The following SULF1 variants were observed in gnomAD, a reference collection of about 807,000 sequenced individuals.
SULF1 encodes sulfatase 1.
In SULF1, 46 loss-of-function variants were observed where a neutral mutation model predicts 110.5. The ratio of observed to expected loss-of-function variants is 0.42; its 90% CI spans 0.33 to 0.53. SULF1 has a LOEUF of 0.53. SULF1 is among the 20% of genes least tolerant of loss of function. SULF1 has a pLI of 0.12. For synonymous variants in SULF1, 371 were observed against 387.1 expected, an observed-to-expected ratio of 0.96 and a Z score of 0.49; for missense variants, 941 against 1,094.2, an observed-to-expected ratio of 0.86 and a Z score of 1.98.
chr8:69,555,294 A>G (rs1815037876), intron 3 of SULF1, among the ~76,000 whole-genome samples: 1 of 152,106 alleles, frequency 6.6e-6, no homozygotes, highest in Non-Finnish European at 1.5e-5. Flanking sequence ...TTGTTTCCCC[A>G]CTCTGCTGTG....
intron 3 of SULF1, among the ~76,000 whole-genome samples, chr8:69,547,520 A>G (rs1814355069): frequency 6.6e-6 from 1 of 152,318 alleles, no homozygotes; most frequent in East Asian, 1.9e-4. Context: ...ACTTTCATCT[A>G]CCTTGACTGG....
intron 3 of SULF1, among the ~76,000 whole-genome samples, chr8:69,556,025 A>G (rs764757025): frequency 6.6e-6 from 1 of 152,210 alleles, no homozygotes; most frequent in Non-Finnish European, 1.5e-5. Context: ...TTAGTGTCTA[A>G]GAATGATTGA....
At chr8:69,568,946 C>A (rs1274180036) in intron 5 of SULF1, among the ~76,000 whole-genome samples, 1 of 151,916 alleles carries the variant, frequency 6.6e-6, no homozygotes, top group Admixed American at 6.6e-5. Context: ...TCTGTTACAC[C>A]CTACACTTGA....
chr8:69,480,917 T>C (rs1371231471), intron 1 of SULF1, among the ~76,000 whole-genome samples: 1 of 149,940 alleles, frequency 6.7e-6, no homozygotes, highest in Non-Finnish European at 1.5e-5. Flanking sequence ...GGGATAGCAT[T>C]AGGAGATATA....
chr8:69,568,028 C>T (rs1413491860), intron 5 of SULF1, among the ~76,000 whole-genome samples: 4 of 152,124 alleles, frequency 2.6e-5, no homozygotes, highest in African/African-American at 7.2e-5. Flanking sequence ...TTAATAGTAG[C>T]CATCCTAATG....
intron 1 of SULF1, among the ~76,000 whole-genome samples, chr8:69,472,064 T>C (rs1459506668): frequency 6.6e-6 from 1 of 151,972 alleles, no homozygotes; most frequent in Non-Finnish European, 1.5e-5. Flanking sequence ...GCAACTGAGC[T>C]AATGGCTCTG....
Position 69,474,132 on chromosome 8 carries a change from T to C in SULF1, c.-391+7182T>C, listed in dbSNP as rs114345554. On this transcript the variant is annotated intron_variant, in intron 1 of 22. Coordinates refer to the SULF1 transcript ENST00000260128. Reference sequence around the variant, plus strand: ...TCTGTTTATTGTCCAGTTTTTTTGGTATGATGTTACAGGCATAATCTGCTA... The same window carrying C: ...TCTGTTTATTGTCCAGTTTTTTTGGCATGATGTTACAGGCATAATCTGCTA... 4.8e-3 allele frequency among the ~76,000 whole-genome samples: 735 copies of C among 152,306 alleles called. 6 individuals carry two copies. Among genetic ancestry groups the C allele is most frequent in the African/African-American group, 0.016 (674 of 41,580 alleles).
chr8:69,526,907 T>C (rs1391092417), intron 3 of SULF1, among the ~76,000 whole-genome samples: 1 of 152,036 alleles, frequency 6.6e-6, no homozygotes, highest in Non-Finnish European at 1.5e-5. Flanking sequence ...AAGAGGCTAC[T>C]TGAGTTTCAC....
intron 8 of SULF1, among the ~76,000 whole-genome samples, chr8:69,591,760 C>A (rs1806926187): frequency 6.6e-6 from 1 of 152,096 alleles, no homozygotes; most frequent in African/African-American, 2.4e-5. Flanking sequence ...ACACTGGTAC[C>A]CACAGTCCAA....
At chr8:69,499,318 A>G (rs1050601847) in intron 2 of SULF1, among the ~76,000 whole-genome samples, 1 of 152,256 alleles carries the variant, frequency 6.6e-6, no homozygotes, top group African/African-American at 2.4e-5. Context: ...AACGAAACCC[A>G]TACACCAATA....
At chr8:69,652,087 A>T (rs1256309926) in intron 22 of SULF1, among the ~76,000 whole-genome samples, 1 of 152,112 alleles carries the variant, frequency 6.6e-6, no homozygotes, top group African/African-American at 2.4e-5. Context: ...TCTTCAAATC[A>T]GTCTCTCCCC....
At chr8:69,532,490 T>G (rs1051489691) in intron 3 of SULF1, among the ~76,000 whole-genome samples, 5 of 152,122 alleles carry the variant, frequency 3.3e-5, no homozygotes, top group African/African-American at 1.2e-4. Context: ...CAAATACTTT[T>G]CTGGTTTTAA....
chr8:69,530,205 A>T (rs1000001713), intron 3 of SULF1, among the ~76,000 whole-genome samples: 2 of 152,060 alleles, frequency 1.3e-5, no homozygotes, highest in African/African-American at 4.8e-5. Context: ...GCTTGCATCA[A>T]ATGTAGGATT....
chr8:69,562,961 G>A (rs1210454216), intron 3 of SULF1: 1 of 152,352 alleles, frequency 6.6e-6, no homozygotes, highest in African/African-American at 2.4e-5. Flanking sequence ...TTTTCCTTCT[G>A]GTGATTGATT....
intron 6 of SULF1, among the ~76,000 whole-genome samples, 164 bp downstream of exon 6, chr8:69,576,373 G>C (rs911356293): frequency 5.9e-5 from 9 of 152,144 alleles, no homozygotes; most frequent in African/African-American, 2.2e-4. Flanking sequence ...CACAGTAAAT[G>C]ATCAAAATTA....
At chr8:69,521,718 C>T (rs548315538) in intron 3 of SULF1, among the ~76,000 whole-genome samples, 1 of 151,998 alleles carries the variant, frequency 6.6e-6, no homozygotes, top group South Asian at 2.1e-4. Flanking sequence ...GCTATTTCTC[C>T]AGATGAAAAG....
At chr8:69,491,831 A>C (rs1211474505), upstream of SULF1, among the ~76,000 whole-genome samples, 1 of 152,178 alleles carries the variant, frequency 6.6e-6, no homozygotes, top group African/African-American at 2.4e-5. Flanking sequence ...TTCCAAACCT[A>C]TGGAGACAGA....
intron 5 of SULF1, among the ~76,000 whole-genome samples, chr8:69,571,105 C>A (rs999404486): frequency 1.3e-5 from 2 of 152,170 alleles, no homozygotes; most frequent in African/African-American, 4.8e-5. Context: ...ATTTGAAAAC[C>A]AATATCAACA....
At chr8:69,626,829 C>T (rs1171000674) in intron 15 of SULF1, among the ~76,000 whole-genome samples, 1 of 152,240 alleles carries the variant, frequency 6.6e-6, no homozygotes, top group Non-Finnish European at 1.5e-5. Flanking sequence ...CCGCAGGCAG[C>T]CCCGGTTCCC....
Sources: gnomAD v4.1 joint callset for allele counts (sites outside exome capture counted in the v4.1 genomes callset) on GRCh38, gnomAD v4.1.1 for gene constraint, MANE v1.5 for transcripts, NCBI Gene and HGNC (gene_info 2026-07-23, HGNC 2026-07-21) for gene names.